The following WASF2 variants were observed in gnomAD, a reference collection of about 807,000 sequenced individuals.
WASF2 encodes WASP family member 2.
A neutral mutation model predicts 45.0 loss-of-function variants in WASF2; 14 were observed. The ratio of observed to expected loss-of-function variants is 0.31; its 90% CI spans 0.21 to 0.49. The LOEUF (loss-of-function observed/expected upper bound fraction) is 0.49. Ranked by LOEUF, WASF2 falls within the 20% of genes least tolerant of loss-of-function variation. WASF2 has a pLI of 0.99. For missense variants in WASF2, 439 were observed against 636.1 expected (o/e 0.69, Z 3.33); for synonymous variants, 200 against 236.3 (o/e 0.85, Z 1.41).
intron 1 of WASF2, among the ~76,000 whole-genome samples, chr1:27,438,345 G>C (rs1364247684): frequency 6.6e-6 from 1 of 152,200 alleles, no homozygotes; most frequent in African/African-American, 2.4e-5. Context: ...TGGTGGATTA[G>C]CTACAGTGGC....
At chr1:27,486,513 A>C (rs2017926414) in intron 1 of WASF2, among the ~76,000 whole-genome samples, 1 of 152,208 alleles carries the variant, frequency 6.6e-6, no homozygotes, top group Non-Finnish European at 1.5e-5. Flanking sequence ...ATAACGCATA[A>C]AAAGACTTAA....
At chr1:27,417,491 CAT>C (rs777335263) in intron 4 of WASF2, among the ~76,000 whole-genome samples, 6 of 152,210 alleles carry the variant, frequency 3.9e-5, no homozygotes, top group Non-Finnish European at 5.9e-5. Context: ...GCAGTGTACA[CAT>C]GTCTGATAGA....
chr1:27,467,544 G>A lies in WASF2; in HGVS notation c.-44+22442C>T, dbSNP rs562682453. Among the ~76,000 whole-genome samples the A allele has an allele frequency of 1.5e-3, 218 of 150,224 alleles. 2 individuals are homozygous for A. The highest frequency in any genetic ancestry group is 2.4e-3 in the Non-Finnish European group (163 of 67,500). ...TCTCAATCTCCTGACCTCGTGATCC[G>A]CCCGCCTTGACCTCCCAAAGTGCTG... is the stretch of plus-strand genomic sequence containing the variant. On this transcript the variant is annotated intron_variant, in intron 1 of 8. Transcript: ENST00000618852.
At chr1:27,409,640 C>T in intron 8 of WASF2, 52 bp downstream of exon 8, 1 of 1,410,128 alleles carries the variant, frequency 7.1e-7, no homozygotes, top group Non-Finnish European at 9.3e-7. Context: ...TCAGTCATCC[C>T]AGCTTCAGAA....
At chr1:27,422,897 G>A (rs2148108248) in intron 2 of WASF2, among the ~76,000 whole-genome samples, 1 of 152,232 alleles carries the variant, frequency 6.6e-6, no homozygotes, top group East Asian at 1.9e-4. Context: ...CCAATGCTTT[G>A]GGAGGCCGAG....
At chr1:27,424,845 T>C (rs2148109439) in intron 2 of WASF2, among the ~76,000 whole-genome samples, 1 of 152,310 alleles carries the variant, frequency 6.6e-6, no homozygotes, top group South Asian at 2.1e-4. Context: ...TGATTTGTGA[T>C]ACAATGTGAT....
intron 1 of WASF2, among the ~76,000 whole-genome samples, chr1:27,441,348 C>T (rs2148119027): frequency 6.6e-6 from 1 of 151,608 alleles, no homozygotes; most frequent in South Asian, 2.1e-4. Flanking sequence ...AAAAACGTGG[C>T]TGGGCGTGGT....
In WASF2 at chr1:27,406,669, GAAT is replaced by G. The variant is rs1433071392; in HGVS notation, c.*1517_*1519del. 6.8e-6 allele frequency: 1 copy of G among 146,238 alleles called. No homozygotes were observed. The highest frequency in any genetic ancestry group is 1.5e-5 in the Non-Finnish European group (1 of 65,898). The allele number at this position is 146,238 out of a possible 1,614,324, so 9.1% of individuals were successfully genotyped here. ...GGCTAGAGCTGACCAGTTTTTTTCTGAATAATAGCACCTGTGTATTAGCTCTGG... is the reference window on the plus strand; with the variant it reads ...GGCTAGAGCTGACCAGTTTTTTTCTGAATAGCACCTGTGTATTAGCTCTGG... On this transcript the variant is annotated 3_prime_UTR_variant, in exon 9 of 9. Coordinates refer to ENST00000618852, the MANE Select transcript of WASF2 (RefSeq NM_006990.5).
At chr1:27,467,869 GCCACTGCACTCCAGC>G (rs1443203614) in intron 1 of WASF2, among the ~76,000 whole-genome samples, 6 of 151,792 alleles carry the variant, frequency 4.0e-5, no homozygotes, top group Admixed American at 3.9e-4. Context: ...TCGAGATCAC[GCCACTGCACTCCAGC>G]CTGGGTGACA....
At chr1:27,489,735 G>A (rs755556959) in intron 1 of WASF2, among the ~76,000 whole-genome samples, 38 of 152,222 alleles carry the variant, frequency 2.5e-4, no homozygotes, top group Non-Finnish European at 5.0e-4. Context: ...GTCAGGCCGG[G>A]ACACTCATAG....
At chr1:27,451,860 G>T (rs2017387924) in intron 1 of WASF2, among the ~76,000 whole-genome samples, 1 of 152,180 alleles carries the variant, frequency 6.6e-6, no homozygotes, top group East Asian at 1.9e-4. Flanking sequence ...TAGTACTGAG[G>T]TGTATTTTTT....
intron 1 of WASF2, among the ~76,000 whole-genome samples, chr1:27,476,019 G>A (rs767268714): frequency 2.0e-5 from 3 of 152,176 alleles, no homozygotes; most frequent in Non-Finnish European, 4.4e-5. Context: ...CAAGATCACT[G>A]AGTTGTATCC....
At chr1:27,428,104 G>A (rs1301849825) in intron 2 of WASF2, among the ~76,000 whole-genome samples, 1 of 152,120 alleles carries the variant, frequency 6.6e-6, no homozygotes, top group African/African-American at 2.4e-5. Flanking sequence ...TCCTCCTAAG[G>A]AAGAATGGCT....
intron 1 of WASF2, among the ~76,000 whole-genome samples, chr1:27,465,805 G>A (rs1298810188): frequency 2.0e-5 from 3 of 152,200 alleles, no homozygotes; most frequent in South Asian, 2.1e-4. Context: ...ACACAATATC[G>A]CAATAAGAGG....
chr1:27,453,165 A>G (rs1309635406), intron 1 of WASF2, among the ~76,000 whole-genome samples: 1 of 152,048 alleles, frequency 6.6e-6, no homozygotes. Context: ...AGATCACACC[A>G]CTGCACTCCA....
At chr1:27,467,547 C>T (rs549487240) in intron 1 of WASF2, among the ~76,000 whole-genome samples, 1 of 150,818 alleles carries the variant, frequency 6.6e-6, no homozygotes, top group Admixed American at 6.6e-5. Flanking sequence ...GTGATCCGCC[C>T]GCCTTGACCT....
Position 27,404,814 on chromosome 1 carries a change from TAGGAGGCACAGA to T in WASF2, c.*3363_*3374del, listed in dbSNP as rs199811484. Reference sequence around the variant, plus strand: ...TGAGGCACAGTTAAAGGGAACATGGTAGGAGGCACAGAAGGAGGCACAGAATGAGGCACATCT... The same window carrying T: ...TGAGGCACAGTTAAAGGGAACATGGTAGGAGGCACAGAATGAGGCACATCT... On this transcript the variant is annotated 3_prime_UTR_variant, in exon 9 of 9. Coordinates refer to ENST00000618852, the MANE Select transcript of WASF2 (RefSeq NM_006990.5). The T allele has an allele frequency of 9.8e-3, 1,496 of 152,258 alleles. 6 individuals are homozygous for T. The highest frequency in any genetic ancestry group is 0.014 in the Middle Eastern group (4 of 294). 9.4% of individuals were successfully genotyped at this position (152,258 alleles called of 1,614,324 possible).
intron 1 of WASF2, among the ~76,000 whole-genome samples, chr1:27,487,587 TATTTTATATAATATATAA>T (rs1197196375): frequency 2.0e-5 from 2 of 98,196 alleles, no homozygotes; most frequent in South Asian, 2.4e-4. Flanking sequence ...ATATTATATA[TATTTTATATAATATATAA>T]TATATATTAT....
At chr1:27,473,324 C>CA (rs2017718732) in intron 1 of WASF2, among the ~76,000 whole-genome samples, 1 of 150,990 alleles carries the variant, frequency 6.6e-6, no homozygotes, top group Non-Finnish European at 1.5e-5. Flanking sequence ...ACTAAAAATA[C>CA]AAAAAATTAG....
Sources: allele counts gnomAD v4.1 joint callset (sites outside exome capture counted in the v4.1 genomes callset), GRCh38; gene constraint gnomAD v4.1.1; transcripts MANE v1.5; gene names NCBI Gene and HGNC (gene_info 2026-07-23, HGNC 2026-07-21).